Variants in DENND4C observed in about 807,000 individuals in gnomAD.
DENND4C encodes the protein DENN domain-containing protein 4C.
Under a neutral mutation model 203.0 loss-of-function variants are expected in DENND4C, and 108 were observed. That is an observed-to-expected ratio of 0.53 (90% CI 0.46 to 0.62). The LOEUF is 0.62. Ranked by LOEUF, DENND4C falls within the 20% of genes least tolerant of loss-of-function variation. DENND4C has a pLI of 0.00. For synonymous variants in DENND4C, 871 were observed against 792.4 expected, an observed-to-expected ratio of 1.10 and a Z score of -1.67; for missense variants, 2,481 against 2,301.2, an observed-to-expected ratio of 1.08 and a Z score of -1.60.
intron 12 of DENND4C, among the ~76,000 whole-genome samples, chr9:19,319,196 T>G (rs1286150187): frequency 6.8e-6 from 1 of 146,998 alleles, no homozygotes; most frequent in Non-Finnish European, 1.5e-5. Flanking sequence ...TATATACACG[T>G]ATATACACAT....
rs1388954623 is a variant in DENND4C, at chr9:19,332,984, C to G, written c.2460+800C>G. 2.0e-5 allele frequency among the ~76,000 whole-genome samples: 3 copies of G among 149,656 alleles called. No homozygotes were observed. The East Asian group carries it at 5.8e-4, about 29-fold the overall frequency. ...TGGCTCTCCACTTAGGACCTGTGTC[C>G]TAAGGTGAGTTATATAATCTATTTA... On this transcript the variant is annotated intron_variant, in intron 17 of 32. Transcript: ENST00000434457.
At chr9:19,250,187 A>G (rs554259737) in intron 1 of DENND4C, among the ~76,000 whole-genome samples, 3 of 152,254 alleles carry the variant, frequency 2.0e-5, no homozygotes, top group Admixed American at 2.0e-4. Context: ...TCACGCCTGT[A>G]ATCCCAGCAC....
At chr9:19,249,872 G>C (rs1417928095) in intron 1 of DENND4C, among the ~76,000 whole-genome samples, 1 of 152,044 alleles carries the variant, frequency 6.6e-6, no homozygotes, top group Non-Finnish European at 1.5e-5. Flanking sequence ...TGCCCAGGCT[G>C]GTCTCAAACT....
At chr9:19,284,214 C>G (rs1588840212) in intron 2 of DENND4C, among the ~76,000 whole-genome samples, 1 of 152,130 alleles carries the variant, frequency 6.6e-6, no homozygotes, top group South Asian at 2.1e-4. Context: ...TGTAGATACT[C>G]TATACCCTAT....
Position 19,276,462 on chromosome 9 carries a change from A to T in DENND4C, c.288A>T (p.Pro96=), listed in dbSNP as rs1832913394. The change falls in exon 2 of 33, where the codon CCA becomes CCT. Residue 96 remains proline, a synonymous_variant. Transcript: ENST00000434457. ...GTTATAAGAGAGGGAGAGATAAACC[A>T]CCGCTTACAGATATTGGGTATGGTG... ...FLCYKRGRDK[P]PLTDIGVLYE... 1.6e-6 allele frequency: 2 copies of T among 1,231,900 alleles called. No homozygotes were observed. The highest frequency in any genetic ancestry group is 8.2e-5 in the South Asian group (2 of 24,314). 76.3% of individuals were successfully genotyped at this position (1,231,900 alleles called of 1,614,324 possible).
chr9:19,235,429 TTAA>T (rs1416570796), intron 1 of DENND4C, among the ~76,000 whole-genome samples: 1 of 152,220 alleles, frequency 6.6e-6, no homozygotes, highest in Non-Finnish European at 1.5e-5. Flanking sequence ...CATAATTCTG[TTAA>T]TAACTTGCTA....
At chr9:19,244,703 G>A (rs1403635744) in intron 1 of DENND4C, among the ~76,000 whole-genome samples, 1 of 148,242 alleles carries the variant, frequency 6.7e-6, no homozygotes, top group East Asian at 2.0e-4. Context: ...TCGTGCCACT[G>A]CACTCCAGCC....
intron 24 of DENND4C, among the ~76,000 whole-genome samples, chr9:19,351,406 A>G (rs764642428): frequency 1.3e-5 from 2 of 152,226 alleles, no homozygotes; most frequent in Non-Finnish European, 2.9e-5. Flanking sequence ...AATCCGATGT[A>G]TACCAGAGTT....
intron 9 of DENND4C, among the ~76,000 whole-genome samples, chr9:19,304,014 G>A (rs535511594): frequency 2.2e-3 from 322 of 146,306 alleles, no homozygotes; most frequent in South Asian, 3.4e-3. Flanking sequence ...ACATGTTTTA[G>A]TCTTTTTTAA....
intron 9 of DENND4C, 119 bp from the exon 10 acceptor site, chr9:19,305,233 A>T (rs2131374812): frequency 1.3e-6 from 1 of 786,270 alleles, no homozygotes; most frequent in Non-Finnish European, 2.0e-6. Flanking sequence ...AATGAAGTTT[A>T]AGGTAAACAA....
In DENND4C at chr9:19,346,462, A is replaced by T. The variant is rs753306200; in HGVS notation, c.3693A>T (p.Arg1231Ser). The change falls in exon 23 of 33, where the codon AGA becomes AGT. Residue 1231 changes from arginine to serine, a missense_variant. Transcript: ENST00000434457. ...TATCCAAAGATCTGAGGAATAAGAG[A>T]AGTAGTTTATATGGTATTGCTAAGG... Reference protein sequence around the residue: ...KTVSKDLRNKRSSLYGIAKVV... With the variant: ...KTVSKDLRNKSSSLYGIAKVV... The T allele has an allele frequency of 2.5e-5, 40 of 1,614,136 alleles. No individual in the cohort carries two copies. Among genetic ancestry groups the T allele is most frequent in the Non-Finnish European group, 3.4e-5 (40 of 1,180,012 alleles).
At chr9:19,293,101 C>T (rs1033888626) in intron 5 of DENND4C, among the ~76,000 whole-genome samples, 3 of 152,160 alleles carry the variant, frequency 2.0e-5, no homozygotes, top group African/African-American at 7.2e-5. Flanking sequence ...GCTTAATAAT[C>T]ATTTACAATT....
At chr9:19,341,672 G>GT (rs1345814094) in intron 21 of DENND4C, among the ~76,000 whole-genome samples, 1 of 152,082 alleles carries the variant, frequency 6.6e-6, no homozygotes, top group African/African-American at 2.4e-5. Flanking sequence ...GTGACCCATT[G>GT]AGGTATTTGC....
At chr9:19,245,254 G>A (rs1228051970) in intron 1 of DENND4C, among the ~76,000 whole-genome samples, 2 of 151,566 alleles carry the variant, frequency 1.3e-5, no homozygotes, top group African/African-American at 4.8e-5. Flanking sequence ...AGATCACGAG[G>A]TCAGGAGATC....
chr9:19,270,361 T>A (rs377608050), intron 1 of DENND4C, among the ~76,000 whole-genome samples: 1 of 152,164 alleles, frequency 6.6e-6, no homozygotes, highest in Admixed American at 6.5e-5. Flanking sequence ...GGGTTCCCTT[T>A]TGGCCTAGGA....
At position 19,290,827 on chromosome 9, in the gene DENND4C, C is replaced by T. The variant is rs756932382; in HGVS notation, c.752C>T (p.Pro251Leu). The change falls in exon 5 of 33, where the codon CCA becomes CTA. Residue 251 changes from proline to leucine, a missense_variant. This residue lies in a region of DENND4C where 2,289 missense variants were observed against 2,113.3 expected (regional missense o/e 1.08). Coordinates refer to ENST00000434457, the MANE Select transcript of DENND4C (RefSeq NM_001330640.2). ...IECWDPETKYPLPVFSTFVLT... is the reference protein window; with the variant it reads ...IECWDPETKYLLPVFSTFVLT... ...TGCTGGGATCCTGAAACCAAATATC[C>T]ACTTCCAGTTTTTTCAACTTTTGTC... is the stretch of plus-strand genomic sequence containing the variant. The T allele has an allele frequency of 5.6e-6, 9 of 1,613,426 alleles. No homozygotes were observed. The highest frequency in any genetic ancestry group is 7.6e-6 in the Non-Finnish European group (9 of 1,179,714).
chr9:19,371,764 A>C lies in DENND4C; in HGVS notation c.5684A>C (p.Tyr1895Ser). The change falls in exon 32 of 33, where the codon TAC becomes TCC. Residue 1895 changes from tyrosine to serine, a missense_variant. Transcript: ENST00000434457. Reference protein sequence around the residue: ...KPGMKRQRSLYREILFLSLVS... With the variant: ...KPGMKRQRSLSREILFLSLVS... ...ACATATTTGTTTTATAGGAGTTTAT[A>C]CAGAGAAATCCTCTTCTTATCATTA... The C allele has an allele frequency of 6.9e-7, 1 of 1,445,436 alleles. No individual in the cohort carries two copies. Among genetic ancestry groups the C allele is most frequent in the Non-Finnish European group, 9.6e-7 (1 of 1,040,404 alleles). The allele number at this position is 1,445,436 out of a possible 1,614,324, so 89.5% of individuals were successfully genotyped here.
chr9:19,330,776 AC>A (rs1190775563), intron 16 of DENND4C, among the ~76,000 whole-genome samples: 1 of 152,100 alleles, frequency 6.6e-6, no homozygotes, highest in African/African-American at 2.4e-5. Context: ...ATGGCTGGGC[AC>A]GGCAGCTCAC....
At chr9:19,235,004 G>A (rs1048657410) in intron 1 of DENND4C, among the ~76,000 whole-genome samples, 1 of 147,484 alleles carries the variant, frequency 6.8e-6, no homozygotes, top group Non-Finnish European at 1.5e-5. Flanking sequence ...TCTTGTCACC[G>A]AGGCTGGAAT....
Sources: allele counts gnomAD v4.1 joint callset (sites outside exome capture counted in the v4.1 genomes callset), GRCh38; gene constraint gnomAD v4.1.1; regional missense constraint gnomAD v4.1.1; transcripts MANE v1.5; gene names NCBI Gene and HGNC (gene_info 2026-07-23, HGNC 2026-07-21).